Variants in PHACTR2 observed in about 807,000 individuals in gnomAD.
PHACTR2 encodes phosphatase and actin regulator 2.
Under a neutral mutation model 76.0 loss-of-function variants are expected in PHACTR2, and 30 were observed. The ratio of observed to expected loss-of-function variants is 0.39; its 90% CI spans 0.30 to 0.54. The LOEUF is 0.54. Ranked by LOEUF, PHACTR2 falls within the 20% of genes least tolerant of loss-of-function variation. PHACTR2 has a pLI of 0.61. For missense variants in PHACTR2, 696 were observed against 781.1 expected (o/e 0.89, Z 1.30); for synonymous variants, 292 against 292.5 (o/e 1.00, Z 0.02).
rs1775699814 is a variant in PHACTR2, at chr6:143,592,221, A to C, written c.217+55014A>C. Among the ~76,000 whole-genome samples, 1 of 152,208 alleles carries C rather than the reference A, an allele frequency of 6.6e-6. No homozygotes were observed. ...CTTGATTTACAGCTTTTAAATATTT[A>C]GGCATATGGGATGGGGGCTTCCATT... On this transcript the variant is annotated intron_variant, in intron 1 of 11. Coordinates refer to the PHACTR2 transcript ENST00000367584. The surrounding 1 kb of genome is among the most constrained non-coding windows in gnomAD (Gnocchi z 4.0).
chr6:143,699,533 T>A (rs1386871806), intron 1 of PHACTR2, among the ~76,000 whole-genome samples: 1 of 152,208 alleles, frequency 6.6e-6, no homozygotes, highest in African/African-American at 2.4e-5. Context: ...CTCCACCAAA[T>A]AACTTCAACT....
intron 1 of PHACTR2, among the ~76,000 whole-genome samples, chr6:143,638,164 G>C (rs537101541): frequency 6.6e-6 from 1 of 152,306 alleles, no homozygotes; most frequent in East Asian, 1.9e-4. Flanking sequence ...GGTCTTCCTT[G>C]TAGCAAATAG....
Position 143,616,631 on chromosome 6 carries a change from G to C in PHACTR2, c.13+8309G>C, listed in dbSNP as rs1369721527. Reference sequence around the variant, plus strand: ...TGTGGATATGAGAGAATGAAACGGAGCTTCTGTCAGCATGCTCCTTCCTTC... The same window carrying C: ...TGTGGATATGAGAGAATGAAACGGACCTTCTGTCAGCATGCTCCTTCCTTC... On this transcript the variant is annotated intron_variant, in intron 1 of 11. Coordinates refer to the PHACTR2 transcript ENST00000305766. This position sits in a 1 kb window ranked among gnomAD's most constrained non-coding sequence, Gnocchi z 4.9. 3.9e-5 allele frequency among the ~76,000 whole-genome samples: 6 copies of C among 152,178 alleles called. No individual in the cohort carries two copies. The highest frequency in any genetic ancestry group is 8.8e-5 in the Non-Finnish European group (6 of 68,032).
chr6:143,759,597 C>G (rs1027365020), intron 4 of PHACTR2, among the ~76,000 whole-genome samples: 7 of 148,036 alleles, frequency 4.7e-5, no homozygotes, highest in Admixed American at 2.7e-4. Flanking sequence ...CCACTGCACT[C>G]TAGCCTGAGT....
At chr6:143,565,597 T>C (rs1582674985) in intron 1 of PHACTR2, among the ~76,000 whole-genome samples, 1 of 112,602 alleles carries the variant, frequency 8.9e-6, no homozygotes, top group African/African-American at 3.5e-5. Flanking sequence ...AGAGCGAGAC[T>C]CCGTCTCAAA....
At position 143,753,903 on chromosome 6, in the gene PHACTR2, G is replaced by A. The variant is rs1241170858; in HGVS notation, c.445G>A (p.Asp149Asn). 6.3e-7 allele frequency: 1 copy of A among 1,598,268 alleles called. No homozygotes were observed. Among genetic ancestry groups the A allele is most frequent in the Non-Finnish European group, 8.5e-7 (1 of 1,175,520 alleles). ...ACCACCTCTGGAGGAACAGGCAGAAGATAAGAAAGGTAAAATAAAGACAAA... is the reference window on the plus strand; with the variant it reads ...ACCACCTCTGGAGGAACAGGCAGAAAATAAGAAAGGTAAAATAAAGACAAA... ...KTPPLEEQAEDKKENTENHSE... is the reference protein window; with the variant it reads ...KTPPLEEQAENKKENTENHSE... The change falls in exon 4 of 13, where the codon GAT (aspartate) becomes AAT (asparagine). Residue 149 changes from aspartate to asparagine, a missense_variant. This residue lies in a region of PHACTR2 where 460 missense variants were observed against 450.9 expected (regional missense o/e 1.02). Coordinates refer to ENST00000440869, the MANE Select transcript of PHACTR2 (RefSeq NM_001100164.2). This position sits in a 1 kb window ranked among gnomAD's most constrained non-coding sequence, Gnocchi z 4.6.
In PHACTR2 at chr6:143,696,931, G is replaced by T. The variant is rs1777787365; in HGVS notation, c.47-15085G>T. On this transcript the variant is annotated intron_variant, in intron 1 of 12. Transcript: ENST00000440869. The surrounding 1 kb of genome is among the most constrained non-coding windows in gnomAD (Gnocchi z 4.1). ...TCTGTTTAAATTGGAATAAAAACTT[G>T]TTGCTGGCTGCCAGTCTTAAAGAAT... Among the ~76,000 whole-genome samples, 1 of 152,140 alleles carries T rather than the reference G, an allele frequency of 6.6e-6. No individual in the cohort carries two copies. The highest frequency in any genetic ancestry group is 2.4e-5 in the African/African-American group (1 of 41,430).
chr6:143,729,448 T>TATGTTTTATC (rs1778653819), intron 2 of PHACTR2, among the ~76,000 whole-genome samples: 1 of 152,170 alleles, frequency 6.6e-6, no homozygotes, highest in Non-Finnish European at 1.5e-5. Flanking sequence ...TGTTTTCTTC[T>TATGTTTTATC]AAATGTTTTT....
rs887953658 is a variant in PHACTR2, at chr6:143,541,466, T to A, written c.217+4259T>A. Among the ~76,000 whole-genome samples the A allele has an allele frequency of 6.6e-6, 1 of 152,228 alleles. No homozygotes were observed. The highest frequency in any genetic ancestry group is 1.5e-5 in the Non-Finnish European group (1 of 68,036). ...GATGCTTAGTCTTGCACATTGCACATTGGGCTGCATAGATCAGAGAACCAT... is the reference window on the plus strand; with the variant it reads ...GATGCTTAGTCTTGCACATTGCACAATGGGCTGCATAGATCAGAGAACCAT... On this transcript the variant is annotated intron_variant, in intron 1 of 11. Coordinates refer to the PHACTR2 transcript ENST00000367584. This position sits in a 1 kb window ranked among gnomAD's most constrained non-coding sequence, Gnocchi z 5.3.
intron 1 of PHACTR2, among the ~76,000 whole-genome samples, chr6:143,640,028 G>T (rs912359058): frequency 4.6e-5 from 7 of 152,214 alleles, no homozygotes; most frequent in African/African-American, 1.4e-4. Flanking sequence ...CTGTGTAACT[G>T]TAATAGAGTT....
At chr6:143,770,241 AT>A (rs1775066652) in intron 6 of PHACTR2, among the ~76,000 whole-genome samples, 1 of 152,238 alleles carries the variant, frequency 6.6e-6, no homozygotes, top group Admixed American at 6.5e-5. Context: ...TAAGTGAAGT[AT>A]GTTACATACA....
intron 1 of PHACTR2, among the ~76,000 whole-genome samples, chr6:143,628,129 C>G (rs2128441420): frequency 6.6e-6 from 1 of 152,176 alleles, no homozygotes; most frequent in Non-Finnish European, 1.5e-5. Flanking sequence ...ATACTTCATT[C>G]CTTTGTATGG....
rs948008950 is a variant in PHACTR2 at position 143,547,490 on chromosome 6, C to A, written c.217+10283C>A. ...AACCACACAAGGTCATATGTGCTAA[C>A]CAAGCAGATCAGTTGGAACTGTTAA... On this transcript the variant is annotated intron_variant, in intron 1 of 11. Coordinates refer to the PHACTR2 transcript ENST00000367584. The surrounding 1 kb of genome is among the most constrained non-coding windows in gnomAD (Gnocchi z 4.2). Among the ~76,000 whole-genome samples, 3 of 152,088 alleles carry A rather than the reference C, an allele frequency of 2.0e-5. No homozygotes were observed. The highest frequency in any genetic ancestry group is 2.0e-4 in the Admixed American group (3 of 15,272).
intron 12 of PHACTR2, among the ~76,000 whole-genome samples, chr6:143,815,674 C>A (rs1454220283): frequency 6.6e-6 from 1 of 151,996 alleles, no homozygotes; most frequent in African/African-American, 2.4e-5. Context: ...AGGTGGATCA[C>A]CTGAGGTCAG....
rs1350020612 is a variant in PHACTR2 at position 143,654,389 on chromosome 6, G to A, written c.13+46067G>A. On this transcript the variant is annotated intron_variant, in intron 1 of 11. Coordinates refer to the PHACTR2 transcript ENST00000305766. The surrounding 1 kb of genome is among the most constrained non-coding windows in gnomAD (Gnocchi z 4.6). The stretch of plus-strand genomic sequence containing the variant: ...ATATATTCACCAGAAACTTGTTTAT[G>A]AAGTGCAGAGCAGCATTATTCTTAA... Among the ~76,000 whole-genome samples the A allele has an allele frequency of 6.6e-6, 1 of 152,188 alleles. No homozygotes were observed. Among genetic ancestry groups the A allele is most frequent in the African/African-American group, 2.4e-5 (1 of 41,444 alleles).
chr6:143,711,884 C>G, intron 1 of PHACTR2, 132 bp from the exon 2 acceptor site: 4 of 831,208 alleles, frequency 4.8e-6, no homozygotes, highest in East Asian at 2.4e-5. Flanking sequence ...TGAAATGGGA[C>G]AAATAAACTT....
Position 143,678,447 on chromosome 6 carries a change from G to T in PHACTR2, c.46+238G>T, listed in dbSNP as rs1394698015. On this transcript the variant is annotated intron_variant, in intron 1 of 12. Coordinates refer to ENST00000440869, the MANE Select transcript of PHACTR2 (RefSeq NM_001100164.2). The surrounding 1 kb of genome is among the most constrained non-coding windows in gnomAD (Gnocchi z 6.2). ...TCCATTTTTCTGTGCGCGATGCCTC[G>T]CTGTGGTTTTTTATCCAAATTATTT... is the stretch of plus-strand genomic sequence containing the variant. Among the ~76,000 whole-genome samples the T allele has an allele frequency of 1.4e-5, 2 of 142,176 alleles. No homozygotes were observed. Among genetic ancestry groups the T allele is most frequent in the Non-Finnish European group, 3.2e-5 (2 of 63,230 alleles). 93.3% of individuals were successfully genotyped at this position (142,176 alleles called of 152,430 possible).
At chr6:143,608,078 C>T (rs1020974870), upstream of PHACTR2, 1 of 569,814 alleles carries the variant, frequency 1.8e-6, no homozygotes. The surrounding 1 kb of genome is among the most constrained non-coding windows in gnomAD (Gnocchi z 4.6). Flanking sequence ...GATTCAAGTA[C>T]CCACTTGATA....
chr6:143,576,875 CAAAAAAAAAAAAAAA>C (rs35937662), intron 1 of PHACTR2, among the ~76,000 whole-genome samples: 69,423 of 105,868 alleles, frequency 0.66, 20,342 homozygotes, highest in Middle Eastern at 0.78. Context: ...GACTCTGTCT[CAAAAAAAAAAAAAAA>C]AAAAAAAAAA....
Sources: allele counts gnomAD v4.1 joint callset (sites outside exome capture counted in the v4.1 genomes callset), GRCh38; gene constraint gnomAD v4.1.1; regional missense constraint gnomAD v4.1.1; non-coding constraint Gnocchi (gnomAD v3.1); transcripts MANE v1.5; gene names NCBI Gene and HGNC (gene_info 2026-07-23, HGNC 2026-07-21).